The following IGF1R variants were observed in gnomAD, a reference collection of about 807,000 sequenced individuals.
IGF1R encodes the protein insulin-like growth factor 1 receptor.
A neutral mutation model predicts 144.6 loss-of-function variants in IGF1R; 44 were observed. The observed-to-expected ratio is 0.30, with a 90% CI of 0.24 to 0.39. The LOEUF (loss-of-function observed/expected upper bound fraction) is 0.39. Ranked by LOEUF, IGF1R falls within the 10% of genes least tolerant of loss-of-function variation. The probability of loss-of-function intolerance (pLI) is 1.00; values close to 1 mark genes in which losing one functional copy is unlikely to be tolerated. For missense variants in IGF1R, 1,355 were observed against 1,833.7 expected (o/e 0.74, Z 4.77); for synonymous variants, 795 against 722.8 (o/e 1.10, Z -1.60).
chr15:98,866,991 A>G (rs981101885), intron 2 of IGF1R, among the ~76,000 whole-genome samples: 2 of 152,154 alleles, frequency 1.3e-5, no homozygotes, highest in Non-Finnish European at 2.9e-5. Context: ...AATTCATGAC[A>G]TCCTGAGCAG....
intron 13 of IGF1R, among the ~76,000 whole-genome samples, chr15:98,926,911 C>G (rs1358886976): frequency 6.6e-6 from 1 of 152,158 alleles, no homozygotes; most frequent in African/African-American, 2.4e-5. Context: ...GCAGCCTTGT[C>G]CAGGGTAGTG....
intron 2 of IGF1R, among the ~76,000 whole-genome samples, chr15:98,887,081 C>T (rs1355414734): frequency 6.6e-6 from 1 of 152,192 alleles, no homozygotes; most frequent in Non-Finnish European, 1.5e-5. Context: ...GATTTGTGAT[C>T]CCTTTAAGAA....
At chr15:98,884,713 G>A (rs1248671036) in intron 2 of IGF1R, among the ~76,000 whole-genome samples, 1 of 143,242 alleles carries the variant, frequency 7.0e-6, no homozygotes, top group Non-Finnish European at 1.5e-5. Context: ...AAGAAATTCT[G>A]TACCCTTCCA....
chr15:98,770,696 CTG>C (rs1567120472), intron 2 of IGF1R, among the ~76,000 whole-genome samples: 2 of 152,150 alleles, frequency 1.3e-5, no homozygotes, highest in South Asian at 2.1e-4. Context: ...TGTGGGGAAT[CTG>C]TGTAAGTTGG....
rs374731904 is a variant in IGF1R at position 98,956,939 on chromosome 15, GGCTGT to G, written c.3723-120_3723-116del. 160 of 1,098,790 alleles carry G rather than the reference GGCTGT, an allele frequency of 1.5e-4. 1 individual carries two copies. In the East Asian group the frequency reaches 3.4e-3, roughly 23 times the overall value. 68.1% of individuals were successfully genotyped at this position (1,098,790 alleles called of 1,614,324 possible). ...AGCCAGGGATGGAGAGGGGCAGCAG[GGCTGT>G]GTTCAGTGCTCCCGCCGTACGCTTG... On this transcript the variant is annotated intron_variant, in intron 20 of 20. Coordinates refer to ENST00000650285, the MANE Select transcript of IGF1R (RefSeq NM_000875.5).
intron 2 of IGF1R, among the ~76,000 whole-genome samples, chr15:98,777,055 G>A (rs2055735672): frequency 6.6e-6 from 1 of 152,156 alleles, no homozygotes; most frequent in Non-Finnish European, 1.5e-5. Context: ...TTCAGCCTTG[G>A]CCTGTAATCA....
intron 1 of IGF1R, among the ~76,000 whole-genome samples, chr15:98,680,390 C>A (rs1047383471): frequency 6.6e-6 from 1 of 152,060 alleles, no homozygotes; most frequent in Non-Finnish European, 1.5e-5. Flanking sequence ...CCTCAGCCTC[C>A]CGAGTAGCTG....
Position 98,964,265 on chromosome 15 carries a change from A to G in IGF1R, c.*6823A>G, listed in dbSNP as rs1262095406. ...ATAACATGGCCAATTTGTTACATAAAATGACTTTCTGTGTATAAATTATTC... is the reference window on the plus strand; with the variant it reads ...ATAACATGGCCAATTTGTTACATAAGATGACTTTCTGTGTATAAATTATTC... On this transcript the variant is annotated 3_prime_UTR_variant, in exon 21 of 21. Transcript: ENST00000650285. 2 of 232,586 alleles carry G rather than the reference A, an allele frequency of 8.6e-6. No homozygotes were observed. The highest frequency in any genetic ancestry group is 1.2e-4 in the East Asian group (2 of 16,330). 14.4% of individuals were successfully genotyped at this position (232,586 alleles called of 1,614,324 possible).
chr15:98,817,991 C>G (rs2056730066), intron 2 of IGF1R, among the ~76,000 whole-genome samples: 3 of 152,344 alleles, frequency 2.0e-5, no homozygotes, highest in Middle Eastern at 3.4e-3. Context: ...AGTGAGGGCT[C>G]TCTTCCTGGT....
chr15:98,857,206 C>G (rs914856164), intron 2 of IGF1R, among the ~76,000 whole-genome samples: 2 of 152,032 alleles, frequency 1.3e-5, no homozygotes, highest in Non-Finnish European at 2.9e-5. Context: ...TTGTGTACAT[C>G]TTTATTTATT....
In IGF1R at chr15:98,962,538, G is replaced by A. The variant is rs2017267134; in HGVS notation, c.*5096G>A. ...AGAGATGCTGAAGATACAGACCTTGGACAGGTCAGAGGGTTTCATTTTTGG... is the reference window on the plus strand; with the variant it reads ...AGAGATGCTGAAGATACAGACCTTGAACAGGTCAGAGGGTTTCATTTTTGG... On this transcript the variant is annotated 3_prime_UTR_variant, in exon 21 of 21. Coordinates refer to ENST00000650285, the MANE Select transcript of IGF1R (RefSeq NM_000875.5). 1 of 233,600 alleles carries A rather than the reference G, an allele frequency of 4.3e-6. No homozygotes were observed. The highest frequency in any genetic ancestry group is 2.2e-5 in the African/African-American group (1 of 45,320). The allele number at this position is 233,600 out of a possible 1,614,324, so 14.5% of individuals were successfully genotyped here.
intron 2 of IGF1R, among the ~76,000 whole-genome samples, chr15:98,828,359 A>G (rs1255671920): frequency 6.6e-6 from 1 of 152,086 alleles, no homozygotes; most frequent in African/African-American, 2.4e-5. Flanking sequence ...GCCTGCTCGT[A>G]TAAGACACCT....
chr15:98,809,567 T>C (rs1432618941), intron 2 of IGF1R, among the ~76,000 whole-genome samples: 1 of 152,234 alleles, frequency 6.6e-6, no homozygotes, highest in South Asian at 2.1e-4. Flanking sequence ...CATGTTTTTA[T>C]AAAACCGCTG....
At position 98,707,701 on chromosome 15, in the gene IGF1R, C is replaced by T; in HGVS notation, c.234C>T (p.Leu78=). The change falls in exon 2 of 21, where the codon CTC becomes CTT. Residue 78 remains leucine (L), a synonymous_variant. Transcript: ENST00000650285. This position sits in a 1 kb window ranked among gnomAD's most constrained non-coding sequence, Gnocchi z 6.7. ...ACCGCAGCTACCGCTTCCCCAAGCT[C>T]ACGGTCATTACCGAGTACTTGCTGC... The part of the protein sequence containing the change: ...EDYRSYRFPK[L]TVITEYLLLF... 2.5e-6 allele frequency: 4 copies of T among 1,614,202 alleles called. No individual in the cohort carries two copies. The highest frequency in any genetic ancestry group is 3.4e-6 in the Non-Finnish European group (4 of 1,180,042).
intron 2 of IGF1R, among the ~76,000 whole-genome samples, chr15:98,818,448 A>G (rs750414680): frequency 2.6e-5 from 4 of 152,188 alleles, no homozygotes; most frequent in Non-Finnish European, 5.9e-5. Context: ...GAATAGTGGA[A>G]AAAGCAGGGA....
intron 2 of IGF1R, among the ~76,000 whole-genome samples, chr15:98,818,556 T>G (rs2056742165): frequency 6.7e-6 from 1 of 148,458 alleles, no homozygotes; most frequent in African/African-American, 2.5e-5. Context: ...ACATTTTGGG[T>G]GAAATAATTA....
chr15:98,670,600 G>C (rs2052863203), intron 1 of IGF1R, among the ~76,000 whole-genome samples: 1 of 152,192 alleles, frequency 6.6e-6, no homozygotes, highest in South Asian at 2.1e-4. Flanking sequence ...CCTTTTTGGG[G>C]AGGTAGTAGT....
intron 2 of IGF1R, among the ~76,000 whole-genome samples, chr15:98,732,832 C>T (rs1207549688): frequency 6.6e-6 from 1 of 152,082 alleles, no homozygotes; most frequent in Non-Finnish European, 1.5e-5. Context: ...TTTGGAAACA[C>T]TGACCTGGCT....
intron 20 of IGF1R, among the ~76,000 whole-genome samples, chr15:98,949,472 G>A (rs771349852): frequency 6.7e-6 from 1 of 148,814 alleles, no homozygotes; most frequent in Admixed American, 6.8e-5. Flanking sequence ...TCTGCCTCCC[G>A]GGTTCAAGCA....
Sources: gnomAD v4.1 joint callset for allele counts (sites outside exome capture counted in the v4.1 genomes callset) on GRCh38, gnomAD v4.1.1 for gene constraint, Gnocchi (gnomAD v3.1) non-coding constraint, MANE v1.5 for transcripts, NCBI Gene and HGNC (gene_info 2026-07-23, HGNC 2026-07-21) for gene names.